The following AGBL1 variants were observed in gnomAD, a reference collection of about 807,000 sequenced individuals.
The protein encoded by AGBL1 is AGBL carboxypeptidase 1.
In AGBL1, 130 loss-of-function variants were observed where a neutral mutation model predicts 118.9. That is an observed-to-expected ratio of 1.09 (90% CI 0.95 to 1.26). The LOEUF is 1.26. AGBL1 is among the 50% of genes most tolerant of loss of function. The probability of loss-of-function intolerance (pLI) is 0.00; values close to 1 mark genes in which losing one functional copy is unlikely to be tolerated. For missense variants in AGBL1, 1,584 were observed against 1,298.1 expected (o/e 1.22, Z -3.38); for synonymous variants, 555 against 478.9 (o/e 1.16, Z -2.08).
intron 17 of AGBL1, among the ~76,000 whole-genome samples, chr15:86,336,373 T>C (rs2080369127): frequency 6.6e-6 from 1 of 152,196 alleles, no homozygotes; most frequent in Non-Finnish European, 1.5e-5. Flanking sequence ...CCCCTGAGGT[T>C]TCGCTGATTC....
intron 22 of AGBL1, among the ~76,000 whole-genome samples, chr15:86,902,309 G>A (rs1438642016): frequency 3.3e-5 from 5 of 152,062 alleles, no homozygotes; most frequent in African/African-American, 1.2e-4. Context: ...CTTTTTATAG[G>A]TGGGCAGTGA....
intron 5 of AGBL1, among the ~76,000 whole-genome samples, chr15:86,195,575 A>G (rs2077789079): frequency 6.6e-6 from 1 of 152,176 alleles, no homozygotes. Context: ...AAAGTCTGCA[A>G]ATCATCTGGC....
chr15:86,748,268 A>G (rs1015299290), intron 22 of AGBL1, among the ~76,000 whole-genome samples: 2 of 152,094 alleles, frequency 1.3e-5, no homozygotes, highest in African/African-American at 4.8e-5. Flanking sequence ...TTGGCAGCAT[A>G]AATGTCTTCT....
chr15:86,293,864 G>C (rs928424193), intron 16 of AGBL1, among the ~76,000 whole-genome samples: 1 of 152,022 alleles, frequency 6.6e-6, no homozygotes, highest in African/African-American at 2.4e-5. Flanking sequence ...AAGGTGGGCG[G>C]TTTCTCCTTG....
intron 18 of AGBL1, among the ~76,000 whole-genome samples, chr15:86,480,906 G>T (rs1360767551): frequency 6.6e-6 from 1 of 151,926 alleles, no homozygotes; most frequent in East Asian, 1.9e-4. Context: ...GTATGTGAAG[G>T]GTTTTGATCA....
chr15:86,526,925 A>G (rs1003417384), intron 19 of AGBL1, among the ~76,000 whole-genome samples: 7 of 152,156 alleles, frequency 4.6e-5, no homozygotes, highest in Non-Finnish European at 1.0e-4. Context: ...GGTGATAGGT[A>G]CACTTAAAGG....
At chr15:86,901,174 A>G (rs2080206791) in intron 22 of AGBL1, among the ~76,000 whole-genome samples, 1 of 152,132 alleles carries the variant, frequency 6.6e-6, no homozygotes, top group Non-Finnish European at 1.5e-5. Flanking sequence ...GGTTTTTTAT[A>G]TGGCTTTCAA....
chr15:86,948,386 G>A (rs1450324853), intron 23 of AGBL1, among the ~76,000 whole-genome samples: 2 of 152,020 alleles, frequency 1.3e-5, no homozygotes, highest in Admixed American at 6.6e-5. Context: ...AAATAAAAAC[G>A]TAGACACATA....
chr15:86,484,807 A>G (rs889362077), intron 18 of AGBL1, among the ~76,000 whole-genome samples: 12 of 152,130 alleles, frequency 7.9e-5, no homozygotes, highest in Non-Finnish European at 1.6e-4. Context: ...ATTCTAGAGA[A>G]CTGCTATGAG....
chr15:86,133,761 T>A (rs1044713502), intron 1 of AGBL1, among the ~76,000 whole-genome samples: 2 of 152,214 alleles, frequency 1.3e-5, no homozygotes, highest in Non-Finnish European at 2.9e-5. Context: ...TGGAGAACTC[T>A]CAGCAAAGAT....
At chr15:86,521,091 T>G (rs2083184030) in intron 18 of AGBL1, among the ~76,000 whole-genome samples, 1 of 152,164 alleles carries the variant, frequency 6.6e-6, no homozygotes, top group African/African-American at 2.4e-5. Flanking sequence ...GTCAAAATAT[T>G]TTAATGGAGA....
intron 1 of AGBL1, among the ~76,000 whole-genome samples, chr15:86,095,873 G>A (rs1896348476): frequency 6.6e-6 from 1 of 151,932 alleles, no homozygotes. Flanking sequence ...AATTGGCTAT[G>A]TGACCTTAGG....
At chr15:86,155,102 A>G (rs2077170350) in intron 4 of AGBL1, among the ~76,000 whole-genome samples, 1 of 152,164 alleles carries the variant, frequency 6.6e-6, no homozygotes, top group Admixed American at 6.5e-5. Context: ...TCTTGATTTG[A>G]CTTATTTCTA....
Position 86,912,524 on chromosome 15 carries a change from G to A in AGBL1, c.*5230G>A, listed in dbSNP as rs1381544305. 6.6e-6 allele frequency: 1 copy of A among 152,004 alleles called. No individual in the cohort carries two copies. The highest frequency in any genetic ancestry group is 2.4e-5 in the African/African-American group (1 of 41,298). 9.4% of individuals were successfully genotyped at this position (152,004 alleles called of 1,614,324 possible). ...TGGCTTCAGTTTCCTTCCAGAAAGA[G>A]GATTCAGAGCCACCAAGAATATTTG... On this transcript the variant is annotated 3_prime_UTR_variant, in exon 23 of 23. Coordinates refer to ENST00000614907, the MANE Select transcript of AGBL1 (RefSeq NM_001386094.1).
intron 22 of AGBL1, among the ~76,000 whole-genome samples, chr15:86,754,958 G>A (rs1246796970): frequency 6.6e-6 from 1 of 151,958 alleles, no homozygotes; most frequent in Non-Finnish European, 1.5e-5. Flanking sequence ...ATCACATTTG[G>A]AGCCTTACTA....
intron 17 of AGBL1, among the ~76,000 whole-genome samples, chr15:86,363,377 G>C (rs1273738422): frequency 6.6e-6 from 1 of 151,936 alleles, no homozygotes; most frequent in Non-Finnish European, 1.5e-5. Context: ...GTAACTTTCT[G>C]GTTTAAAAAA....
At chr15:86,398,664 T>C (rs2141993090) in intron 18 of AGBL1, among the ~76,000 whole-genome samples, 1 of 152,010 alleles carries the variant, frequency 6.6e-6, no homozygotes, top group East Asian at 1.9e-4. Flanking sequence ...TAAATAAGAA[T>C]GATGTAAGAA....
rs2085307635 is a variant in AGBL1 at position 86,647,697 on chromosome 15, T to C, written c.2995-26576T>C. On this transcript the variant is annotated intron_variant, in intron 21 of 22. Coordinates refer to ENST00000614907, the MANE Select transcript of AGBL1 (RefSeq NM_001386094.1). ...GCCTGGGTGACAGAGCAAGACTCTG[T>C]CTCAAAATACAAAAAGAAAATATGT... Among the ~76,000 whole-genome samples, 3 of 152,130 alleles carry C rather than the reference T, an allele frequency of 2.0e-5. No homozygotes were observed. In the South Asian group the frequency reaches 6.2e-4, roughly 32 times the overall value.
chr15:86,736,849 C>G (rs115258508), intron 22 of AGBL1, among the ~76,000 whole-genome samples: 2 of 152,196 alleles, frequency 1.3e-5, no homozygotes, highest in East Asian at 3.9e-4. Flanking sequence ...TTATTTTTTT[C>G]TCTCTAAACT....
Sources: allele counts gnomAD v4.1 joint callset (sites outside exome capture counted in the v4.1 genomes callset), GRCh38; gene constraint gnomAD v4.1.1; transcripts MANE v1.5; gene names NCBI Gene and HGNC (gene_info 2026-07-23, HGNC 2026-07-21).